The following PPP6R3 variants were observed in gnomAD, a reference collection of about 807,000 sequenced individuals.
PPP6R3 encodes protein phosphatase 6 regulatory subunit 3.
PPP6R3 carries 38 observed loss-of-function variants against 110.7 expected under a neutral mutation model. That is an observed-to-expected ratio of 0.34 (90% CI 0.26 to 0.45). The LOEUF (loss-of-function observed/expected upper bound fraction) is 0.45. Among genes scored for constraint, PPP6R3 ranks in the 20% least tolerant of loss-of-function variants. The pLI, the probability that PPP6R3 is intolerant of heterozygous loss-of-function variation, is 1.00. For synonymous variants in PPP6R3, 369 were observed against 373.5 expected (o/e 0.99, Z 0.14); for missense variants, 870 against 1,062.4 (o/e 0.82, Z 2.52).
At chr11:68,537,974 A>C in intron 3 of PPP6R3, 83 bp downstream of exon 3, 1 of 1,050,426 alleles carries the variant, frequency 9.5e-7, no homozygotes, top group Non-Finnish European at 1.4e-6. Flanking sequence ...AGGATTCTCC[A>C]GTGTGACTGT....
chr11:68,502,576 C>T lies in PPP6R3; in HGVS notation c.-157-16925C>T, dbSNP rs147223495. Among the ~76,000 whole-genome samples the T allele has an allele frequency of 6.6e-5, 10 of 152,300 alleles. No individual in the cohort carries two copies. The East Asian group carries it at 1.9e-3, about 29-fold the overall frequency. On this transcript the variant is annotated intron_variant, in intron 1 of 23. Coordinates refer to ENST00000393800, the MANE Select transcript of PPP6R3 (RefSeq NM_001164161.2). ...AAAGATCTTTATGGATGAATGCACA[C>T]TCCAGTTTACCTTATTCCAGGTTGT...
In PPP6R3 at chr11:68,613,269, A is replaced by T. The variant is rs1335814723; in HGVS notation, c.*152A>T. On this transcript the variant is annotated 3_prime_UTR_variant, in exon 24 of 24. Coordinates refer to ENST00000393800, the MANE Select transcript of PPP6R3 (RefSeq NM_001164161.2). Reference sequence around the variant, plus strand: ...ACCTTTATATTCTAGATTCTAAGACATTGTACAGAGAAATTCAGAAGTGTA... The same window carrying T: ...ACCTTTATATTCTAGATTCTAAGACTTTGTACAGAGAAATTCAGAAGTGTA... The T allele has an allele frequency of 7.1e-7, 1 of 1,401,756 alleles. No homozygotes were observed. Among genetic ancestry groups the T allele is most frequent in the African/African-American group, 1.5e-5 (1 of 68,538 alleles). The allele number at this position is 1,401,756 out of a possible 1,614,324, so 86.8% of individuals were successfully genotyped here. A position where few individuals can be genotyped will look rare whatever the true frequency, so the allele number is the denominator to read the frequency against.
chr11:68,611,702 C>T (rs1223819609), intron 23 of PPP6R3, among the ~76,000 whole-genome samples: 1 of 152,132 alleles, frequency 6.6e-6, no homozygotes, highest in Non-Finnish European at 1.5e-5. Context: ...GAAGAAGGGA[C>T]AGGGGTCCAT....
At chr11:68,524,226 C>T (rs1202919555) in intron 2 of PPP6R3, among the ~76,000 whole-genome samples, 1 of 152,158 alleles carries the variant, frequency 6.6e-6, no homozygotes, top group Non-Finnish European at 1.5e-5. Flanking sequence ...AGATAATTTG[C>T]ACTTTTTACT....
chr11:68,582,516 A>G (rs1247002418), intron 14 of PPP6R3, among the ~76,000 whole-genome samples: 1 of 152,200 alleles, frequency 6.6e-6, no homozygotes, highest in Non-Finnish European at 1.5e-5. Flanking sequence ...GAAGCTGTCG[A>G]CTCAAGTCAC....
intron 1 of PPP6R3, among the ~76,000 whole-genome samples, chr11:68,498,083 A>T (rs758576029): frequency 6.6e-6 from 1 of 152,202 alleles, no homozygotes; most frequent in Non-Finnish European, 1.5e-5. Flanking sequence ...ACATTATTAT[A>T]TATGACTTTG....
In PPP6R3 at chr11:68,614,501, C is replaced by A; in HGVS notation, c.*1384C>A. ...CAGTATTTAAAACCAAAAGGATATT[C>A]TGAAAAATGGCCAACAATTTTTTTA... On this transcript the variant is annotated 3_prime_UTR_variant, in exon 24 of 24. Transcript: ENST00000393800. The A allele has an allele frequency of 7.1e-7, 1 of 1,411,176 alleles. No homozygotes were observed. The highest frequency in any genetic ancestry group is 9.2e-7 in the Non-Finnish European group (1 of 1,085,360). The allele number at this position is 1,411,176 out of a possible 1,614,324, so 87.4% of individuals were successfully genotyped here.
chr11:68,472,410 T>C (rs943837906), intron 1 of PPP6R3, among the ~76,000 whole-genome samples: 1 of 152,216 alleles, frequency 6.6e-6, no homozygotes, highest in African/African-American at 2.4e-5. Context: ...CAAGTGCAGA[T>C]GCATTTCTCC....
At chr11:68,573,135 TATATATATATATATATATAA>T in intron 12 of PPP6R3, among the ~76,000 whole-genome samples, 1 of 110,186 alleles carries the variant, frequency 9.1e-6, no homozygotes, top group African/African-American at 3.9e-5. Context: ...TATATATATA[TATATATATATATATATATAA>T]TTTTTTTTTT....
intron 18 of PPP6R3, among the ~76,000 whole-genome samples, chr11:68,594,323 AGAG>A (rs1356168538): frequency 6.6e-5 from 9 of 136,164 alleles, no homozygotes; most frequent in African/African-American, 8.8e-5. Context: ...AGAGAGAAAA[AGAG>A]AGAGAGAGTG....
intron 3 of PPP6R3, among the ~76,000 whole-genome samples, chr11:68,540,561 GT>G (rs2099309164): frequency 6.6e-6 from 1 of 152,162 alleles, no homozygotes; most frequent in African/African-American, 2.4e-5. Context: ...AGGAGACAGG[GT>G]TTTGAGATCA....
At position 68,533,575 on chromosome 11, in the gene PPP6R3, C is replaced by T. The variant is rs189863452; in HGVS notation, c.-6-4084C>T. ...AAAAAATTAGCCAGGTGTGGTGGCA[C>T]GGGTCTGTAGTCTCAGCTACTCTGG... On this transcript the variant is annotated intron_variant, in intron 2 of 23. Coordinates refer to ENST00000393800, the MANE Select transcript of PPP6R3 (RefSeq NM_001164161.2). Among the ~76,000 whole-genome samples the T allele has an allele frequency of 2.0e-4, 30 of 151,500 alleles. No homozygotes were observed. In the East Asian group the frequency reaches 2.1e-3, roughly 11 times the overall value.
At chr11:68,520,578 C>G (rs1187794240) in intron 2 of PPP6R3, among the ~76,000 whole-genome samples, 2 of 152,152 alleles carry the variant, frequency 1.3e-5, no homozygotes, top group Non-Finnish European at 2.9e-5. Context: ...GAAGAACAGT[C>G]CTACTCAACC....
intron 1 of PPP6R3, among the ~76,000 whole-genome samples, chr11:68,469,748 C>T (rs1001594211): frequency 6.6e-6 from 1 of 151,998 alleles, no homozygotes; most frequent in African/African-American, 2.4e-5. Flanking sequence ...AGCATGTGCC[C>T]AGATATTAAA....
intron 1 of PPP6R3, among the ~76,000 whole-genome samples, chr11:68,504,106 A>T (rs1460164272): frequency 1.3e-5 from 2 of 152,266 alleles, no homozygotes; most frequent in African/African-American, 4.8e-5. Context: ...ATTTTGTAAT[A>T]GCAAAAAGTG....
intron 15 of PPP6R3, among the ~76,000 whole-genome samples, chr11:68,583,679 A>G (rs2099569593): frequency 6.6e-6 from 1 of 152,172 alleles, no homozygotes; most frequent in Admixed American, 6.5e-5. Context: ...AAGCCTCGAT[A>G]TGAATAATAA....
At chr11:68,609,204 A>G (rs1241898101) in intron 22 of PPP6R3, among the ~76,000 whole-genome samples, 1 of 152,116 alleles carries the variant, frequency 6.6e-6, no homozygotes, top group Non-Finnish European at 1.5e-5. Context: ...CTAAGGGGGA[A>G]AAACAGTCCT....
chr11:68,594,876 A>G (rs1046087189), intron 18 of PPP6R3, among the ~76,000 whole-genome samples: 3 of 152,246 alleles, frequency 2.0e-5, no homozygotes, highest in Non-Finnish European at 4.4e-5. Flanking sequence ...TAGGGCATAG[A>G]TCAGTGGAAC....
At chr11:68,597,357 C>T (rs1047608283) in intron 19 of PPP6R3, among the ~76,000 whole-genome samples, 8 of 152,152 alleles carry the variant, frequency 5.3e-5, no homozygotes, top group South Asian at 2.1e-4. Context: ...TTGCATGGCT[C>T]GGGGATGAGG....
Sources: allele counts gnomAD v4.1 joint callset (sites outside exome capture counted in the v4.1 genomes callset), GRCh38; gene constraint gnomAD v4.1.1; transcripts MANE v1.5; gene names NCBI Gene and HGNC (gene_info 2026-07-23, HGNC 2026-07-21).